The following CHRNB3 variants were observed in gnomAD, a reference collection of about 807,000 sequenced individuals.
The protein encoded by CHRNB3 is neuronal acetylcholine receptor subunit beta-3.
A neutral mutation model predicts 40.6 loss-of-function variants in CHRNB3; 37 were observed. That is an observed-to-expected ratio of 0.91 (90% CI 0.70 to 1.20). The LOEUF (loss-of-function observed/expected upper bound fraction) is 1.20. Among genes scored for constraint, CHRNB3 ranks in the 50% most tolerant of loss-of-function variants. CHRNB3 has a pLI of 0.00. For synonymous variants in CHRNB3, 207 were observed against 207.1 expected, an observed-to-expected ratio of 1.00 and a Z score of 0.00; for missense variants, 505 against 551.2, an observed-to-expected ratio of 0.92 and a Z score of 0.84.
chr8:42,728,303 T>C (rs1397234960), intron 3 of CHRNB3, among the ~76,000 whole-genome samples: 1 of 152,072 alleles, frequency 6.6e-6, no homozygotes, highest in Non-Finnish European at 1.5e-5. Context: ...GGCAGGAGAA[T>C]TGCTTGAGCC....
At chr8:42,730,531 A>G (rs1374863561) in intron 3 of CHRNB3, 63 bp from the exon 4 acceptor site, 6 of 1,021,690 alleles carry the variant, frequency 5.9e-6, no homozygotes, top group Non-Finnish European at 1.4e-6. Context: ...AGAAACTTGA[A>G]GATTTCAAGA....
At chr8:42,719,770 A>G (rs1008340583) in intron 3 of CHRNB3, among the ~76,000 whole-genome samples, 9 of 152,144 alleles carry the variant, frequency 5.9e-5, no homozygotes, top group Non-Finnish European at 1.3e-4. Flanking sequence ...ACCCTTGCAA[A>G]GCAATGCAGC....
At chr8:42,715,752 C>T (rs1478086243) in intron 3 of CHRNB3, among the ~76,000 whole-genome samples, 1 of 151,994 alleles carries the variant, frequency 6.6e-6, no homozygotes, top group Non-Finnish European at 1.5e-5. Flanking sequence ...CTACATGGTG[C>T]TATTTTTATT....
chr8:42,710,832 C>T (rs1484023302), intron 3 of CHRNB3, among the ~76,000 whole-genome samples: 2 of 152,212 alleles, frequency 1.3e-5, no homozygotes, highest in African/African-American at 4.8e-5. Flanking sequence ...CTCTGGTCCT[C>T]TGTGGGTAGA....
At chr8:42,698,820 T>C (rs1275389502) in intron 1 of CHRNB3, among the ~76,000 whole-genome samples, 1 of 152,192 alleles carries the variant, frequency 6.6e-6, no homozygotes, top group Non-Finnish European at 1.5e-5. Flanking sequence ...ACCACTCTTT[T>C]CCCAAGGAAT....
At chr8:42,725,201 T>C (rs1330190864) in intron 3 of CHRNB3, among the ~76,000 whole-genome samples, 2 of 149,836 alleles carry the variant, frequency 1.3e-5, no homozygotes. Context: ...GCAATTCTCC[T>C]GCCTCAGCCT....
At chr8:42,702,213 C>T (rs1306160688) in intron 1 of CHRNB3, among the ~76,000 whole-genome samples, 1 of 152,128 alleles carries the variant, frequency 6.6e-6, no homozygotes, top group Non-Finnish European at 1.5e-5. Flanking sequence ...CCTTCACATT[C>T]GCTCTCTGCC....
rs574760484 is a variant in CHRNB3, at chr8:42,731,033, C to T, written c.359+330C>T. Among the ~76,000 whole-genome samples, 300 of 130,870 alleles carry T rather than the reference C, an allele frequency of 2.3e-3. 22 individuals carry two copies. The highest frequency in any genetic ancestry group is 8.2e-3 in the African/African-American group (265 of 32,460). 85.9% of individuals were successfully genotyped at this position (130,870 alleles called of 152,430 possible). ...ACTGCAGTCCGCAGTCCGGCCTGGG[C>T]GACAGAGCGAGACTCCGTCTCAAAA... On this transcript the variant is annotated intron_variant, in intron 4 of 5. Coordinates refer to ENST00000289957, the MANE Select transcript of CHRNB3 (RefSeq NM_000749.5).
chr8:42,728,381 G>A (rs1816345252), intron 3 of CHRNB3, among the ~76,000 whole-genome samples: 1 of 152,014 alleles, frequency 6.6e-6, no homozygotes, highest in African/African-American at 2.4e-5. Context: ...CAATTAGCCG[G>A]GTGTGGTGGT....
chr8:42,730,686 C>T lies in CHRNB3; in HGVS notation c.342C>T (p.Asp114=). 1 of 1,594,878 alleles carries T rather than the reference C, an allele frequency of 6.3e-7. No homozygotes were observed. Among genetic ancestry groups the T allele is most frequent in the Non-Finnish European group, 8.6e-7 (1 of 1,166,002 alleles). ...KVPSESLWLP[D]IVLFENADGR... ...CATCAGAATCTCTGTGGCTTCCTGA[C>T]ATAGTTCTCTTTGAAAAGTAAGTAT... The change falls in exon 4 of 6, where the codon GAC becomes GAT. Residue 114 remains aspartate (D), a synonymous_variant. Transcript: ENST00000289957.
At chr8:42,726,769 C>T (rs544311083) in intron 3 of CHRNB3, among the ~76,000 whole-genome samples, 3 of 152,204 alleles carry the variant, frequency 2.0e-5, no homozygotes, top group Non-Finnish European at 2.9e-5. Context: ...GGATTACAGG[C>T]GTGAGCCACT....
At chr8:42,701,205 C>T (rs1361835424) in intron 1 of CHRNB3, among the ~76,000 whole-genome samples, 18 of 111,264 alleles carry the variant, frequency 1.6e-4, no homozygotes, top group Admixed American at 7.0e-4. Flanking sequence ...TCCAGCCTGG[C>T]GACAGAGCGA....
chr8:42,718,360 T>G (rs146859266), intron 3 of CHRNB3, among the ~76,000 whole-genome samples: 1 of 152,192 alleles, frequency 6.6e-6, no homozygotes, highest in Non-Finnish European at 1.5e-5. Context: ...TTTGGTCCTA[T>G]TAGCATTGAA....
At chr8:42,714,304 G>A (rs925258294) in intron 3 of CHRNB3, among the ~76,000 whole-genome samples, 2 of 151,784 alleles carry the variant, frequency 1.3e-5, no homozygotes, top group African/African-American at 2.4e-5. Context: ...GACCATCCTG[G>A]CTAACACGGT....
At chr8:42,707,059 C>T (rs1815933644) in intron 1 of CHRNB3, among the ~76,000 whole-genome samples, 1 of 152,172 alleles carries the variant, frequency 6.6e-6, no homozygotes, top group Non-Finnish European at 1.5e-5. Context: ...ATGCCTGGCC[C>T]ACAGTTTTTA....
chr8:42,714,976 G>A (rs1201687846), intron 3 of CHRNB3: 1 of 152,078 alleles, frequency 6.6e-6, no homozygotes, highest in Non-Finnish European at 1.5e-5. Flanking sequence ...TCAGTCTCCG[G>A]AACATCTGAT....
chr8:42,716,307 T>C (rs2128906524), intron 3 of CHRNB3, among the ~76,000 whole-genome samples: 1 of 151,662 alleles, frequency 6.6e-6, no homozygotes, highest in East Asian at 1.9e-4. Flanking sequence ...GACACAAGGG[T>C]TGGCCGTTTT....
At chr8:42,703,165 T>C (rs994628341) in intron 1 of CHRNB3, among the ~76,000 whole-genome samples, 2 of 152,100 alleles carry the variant, frequency 1.3e-5, no homozygotes, top group Non-Finnish European at 2.9e-5. Flanking sequence ...GGCTCATGCC[T>C]GTAATCCCAG....
intron 1 of CHRNB3, chr8:42,704,279 T>A (rs1188135678): frequency 6.6e-6 from 1 of 152,196 alleles, no homozygotes; most frequent in Non-Finnish European, 1.5e-5. Context: ...GGCTTAAACA[T>A]TTGATTTTTG....
Sources: gnomAD v4.1 joint callset for allele counts (sites outside exome capture counted in the v4.1 genomes callset) on GRCh38, gnomAD v4.1.1 for gene constraint, MANE v1.5 for transcripts, NCBI Gene and HGNC (gene_info 2026-07-23, HGNC 2026-07-21) for gene names.